Variants in CNTN4 observed in about 807,000 individuals in gnomAD.
CNTN4 encodes contactin 4.
Under a neutral mutation model 122.5 loss-of-function variants are expected in CNTN4, and 77 were observed. The ratio of observed to expected loss-of-function variants is 0.63; its 90% CI spans 0.52 to 0.76. The LOEUF is 0.76. Among genes scored for constraint, CNTN4 ranks in the 30% least tolerant of loss-of-function variants. The pLI is 0.00. For synonymous variants in CNTN4, 512 were observed against 447.0 expected (o/e 1.15, Z -1.83); for missense variants, 1,256 against 1,259.1 (o/e 1.00, Z 0.04).
chr3:2,648,932 A>C (rs2083246310), intron 4 of CNTN4, among the ~76,000 whole-genome samples: 1 of 152,188 alleles, frequency 6.6e-6, no homozygotes, highest in Admixed American at 6.5e-5. Context: ...CTGATATGGC[A>C]AAGTTTGAGT....
intron 3 of CNTN4, among the ~76,000 whole-genome samples, chr3:2,472,532 C>G (rs1242328805): frequency 6.6e-6 from 1 of 152,096 alleles, no homozygotes; most frequent in African/African-American, 2.4e-5. Flanking sequence ...AGTCACTGCA[C>G]CTGGCCTCAA....
At chr3:2,936,835 A>T (rs1392224401) in intron 13 of CNTN4, among the ~76,000 whole-genome samples, 1 of 152,196 alleles carries the variant, frequency 6.6e-6, no homozygotes, top group Non-Finnish European at 1.5e-5. Context: ...GTGACACGTA[A>T]AAATTATGCC....
At chr3:2,999,876 C>A (rs1022066220) in intron 14 of CNTN4, among the ~76,000 whole-genome samples, 17 of 152,166 alleles carry the variant, frequency 1.1e-4, no homozygotes, top group African/African-American at 4.1e-4. Context: ...TCTGCCCTTT[C>A]CTCAAACTTT....
chr3:2,220,645 G>T (rs2039025882), intron 2 of CNTN4, among the ~76,000 whole-genome samples: 1 of 151,994 alleles, frequency 6.6e-6, no homozygotes, highest in Non-Finnish European at 1.5e-5. Context: ...TGAAGCCTCA[G>T]TTTGATCATC....
At chr3:2,538,811 A>G (rs1431182615) in intron 3 of CNTN4, among the ~76,000 whole-genome samples, 1 of 151,888 alleles carries the variant, frequency 6.6e-6, no homozygotes, top group African/African-American at 2.4e-5. Flanking sequence ...ACCAATGTGC[A>G]TGTATTTTAT....
chr3:2,699,199 A>T (rs1203274492), intron 4 of CNTN4, among the ~76,000 whole-genome samples: 2 of 152,202 alleles, frequency 1.3e-5, no homozygotes, highest in African/African-American at 4.8e-5. Flanking sequence ...CTTCAGATTA[A>T]TGAGGACTAA....
chr3:2,943,630 A>ATATATATATATATATATATATTT (rs1553702084), intron 13 of CNTN4, among the ~76,000 whole-genome samples: 1 of 128,264 alleles, frequency 7.8e-6, no homozygotes, highest in Non-Finnish European at 1.6e-5. Context: ...ATATATATAT[A>ATATATATATATATATATATATTT]TTTTTTTTTT....
intron 3 of CNTN4, among the ~76,000 whole-genome samples, chr3:2,558,421 A>C (rs2078812205): frequency 6.6e-6 from 1 of 152,108 alleles, no homozygotes; most frequent in Non-Finnish European, 1.5e-5. Context: ...GACACTTTTG[A>C]AAACTACTAG....
chr3:2,992,633 G>A (rs912789571), intron 14 of CNTN4, among the ~76,000 whole-genome samples: 1 of 152,158 alleles, frequency 6.6e-6, no homozygotes, highest in Non-Finnish European at 1.5e-5. Context: ...GCAATTTAGA[G>A]TATTTGTTTG....
intron 2 of CNTN4, among the ~76,000 whole-genome samples, chr3:2,323,084 C>T (rs1348772988): frequency 6.6e-6 from 1 of 152,128 alleles, no homozygotes; most frequent in Non-Finnish European, 1.5e-5. Flanking sequence ...TGCAAGAGCT[C>T]TCTTGCCTCT....
chr3:2,233,441 C>T (rs1296397146), intron 2 of CNTN4, among the ~76,000 whole-genome samples: 19 of 152,098 alleles, frequency 1.2e-4, no homozygotes, highest in Admixed American at 1.2e-3. Flanking sequence ...TCTGCATTCT[C>T]CGTTAGGGCT....
intron 2 of CNTN4, among the ~76,000 whole-genome samples, chr3:2,134,318 C>CA (rs1228890624): frequency 6.6e-6 from 1 of 152,150 alleles, no homozygotes; most frequent in Admixed American, 6.5e-5. Flanking sequence ...GTGTGCTGAA[C>CA]GAGTCTCCTA....
intron 20 of CNTN4, among the ~76,000 whole-genome samples, chr3:3,041,571 G>A (rs1409235101): frequency 6.6e-6 from 1 of 152,182 alleles, no homozygotes; most frequent in East Asian, 1.9e-4. Flanking sequence ...AGGCTAGACT[G>A]ACTGTTTCCC....
At chr3:2,975,271 T>C (rs1693316253) in intron 13 of CNTN4, among the ~76,000 whole-genome samples, 1 of 152,182 alleles carries the variant, frequency 6.6e-6, no homozygotes, top group Non-Finnish European at 1.5e-5. Context: ...TGTGGTTACA[T>C]TTTTTACTTC....
rs10576200 is a variant in CNTN4, at chr3:2,443,148, T to TA, written c.-89+103930dup. On this transcript the variant is annotated intron_variant, in intron 3 of 24. Transcript: ENST00000418658. The stretch of plus-strand genomic sequence containing the variant: ...GTACCTCGAAACCTCAAATAAAAGT[T>TA]AAAAAAAAAAAAAAAGAAGAAAAGT... Among the ~76,000 whole-genome samples, 613 of 139,900 alleles carry TA rather than the reference T, an allele frequency of 4.4e-3. 6 individuals are homozygous for TA. The highest frequency in any genetic ancestry group is 0.011 in the African/African-American group (432 of 37,856). 91.8% of individuals were successfully genotyped at this position (139,900 alleles called of 152,430 possible).
chr3:3,029,705 C>G (rs1699012312), intron 15 of CNTN4, among the ~76,000 whole-genome samples: 1 of 152,166 alleles, frequency 6.6e-6, no homozygotes, highest in Non-Finnish European at 1.5e-5. Context: ...CTGGCTCTGC[C>G]ATTTTCTAGC....
rs573731743 is a variant in CNTN4, at chr3:2,916,479, A to G, written c.1208-9150A>G. Among the ~76,000 whole-genome samples, 13 of 149,366 alleles carry G rather than the reference A, an allele frequency of 8.7e-5. No individual in the cohort carries two copies. The East Asian group carries it at 2.6e-3, about 30-fold the overall frequency. ...ACCGCCCTTAATCCATTTAACCCTG[A>G]GTGGACACAACACATGTTTCAGAGA... is the stretch of plus-strand genomic sequence containing the variant. On this transcript the variant is annotated intron_variant, in intron 12 of 24. Transcript: ENST00000418658.
chr3:2,788,120 A>G (rs1357809651), intron 6 of CNTN4, among the ~76,000 whole-genome samples: 1 of 152,198 alleles, frequency 6.6e-6, no homozygotes, highest in Non-Finnish European at 1.5e-5. Flanking sequence ...AAGAGTAACA[A>G]CTATATACCA....
intron 13 of CNTN4, among the ~76,000 whole-genome samples, chr3:2,934,663 C>T (rs2094552744): frequency 6.6e-6 from 1 of 152,224 alleles, no homozygotes; most frequent in South Asian, 2.1e-4. Context: ...AGAAACCTGC[C>T]CTCAGGATAT....
Sources: allele counts gnomAD v4.1 joint callset (sites outside exome capture counted in the v4.1 genomes callset), GRCh38; gene constraint gnomAD v4.1.1; transcripts MANE v1.5; gene names NCBI Gene and HGNC (gene_info 2026-07-23, HGNC 2026-07-21).